RHBDF2: variants seen among roughly 807,000 people sequenced by gnomAD.
RHBDF2 encodes rhomboid 5 homolog 2, also known as inactive rhomboid protein 2.
A neutral mutation model predicts 95.2 loss-of-function variants in RHBDF2; 38 were observed. The ratio of observed to expected loss-of-function variants is 0.40; its 90% CI spans 0.31 to 0.52. RHBDF2 has a LOEUF of 0.52. RHBDF2 is among the 20% of genes least tolerant of loss of function. The probability of loss-of-function intolerance (pLI) is 0.56; values close to 1 mark genes in which losing one functional copy is unlikely to be tolerated. For missense variants in RHBDF2, 863 were observed against 1,137.7 expected, an observed-to-expected ratio of 0.76 and a Z score of 3.47; for synonymous variants, 442 against 462.0, an observed-to-expected ratio of 0.96 and a Z score of 0.55.
chr17:76,482,009 A>C (rs1290018290), intron 2 of RHBDF2: 1 of 151,004 alleles, frequency 6.6e-6, no homozygotes, highest in Non-Finnish European at 1.5e-5. Context: ...ACACAAAACC[A>C]AAAACAAACC....
At chr17:76,487,973 C>A (rs1376980625) in intron 1 of RHBDF2, 64 bp from the exon 2 acceptor site, 1 of 152,264 alleles carries the variant, frequency 6.6e-6, no homozygotes, top group Admixed American at 6.5e-5. Flanking sequence ...ACCTTCCTCA[C>A]CTCAGTCTCC....
chr17:76,473,102 G>A lies in RHBDF2; in HGVS notation c.1813C>T (p.His605Tyr). 2 of 1,613,452 alleles carry A rather than the reference G, an allele frequency of 1.2e-6. No homozygotes were observed. Among genetic ancestry groups the A allele is most frequent in the African/African-American group, 2.7e-5 (2 of 75,026 alleles). The change falls in exon 17 of 19, where the codon CAC becomes TAC. Residue 605 changes from histidine to tyrosine, a missense_variant. Physicochemically the swap from His to Tyr is moderately conservative, Grantham distance 83. Around this residue, in one of 2 missense-constraint regions of RHBDF2, gnomAD observed 252 missense variants for 412.2 expected, o/e 0.61. Transcript: ENST00000675367. ...HEEATLCSQV[H>Y]CLDKVCGLLP... ...AGCCCACACACCTTGTCCAAGCAGT[G>A]CACCTGGGAGTGGGCATATGGTGCT...
chr17:76,483,124 A>G (rs866547196), intron 2 of RHBDF2, among the ~76,000 whole-genome samples: 3 of 152,216 alleles, frequency 2.0e-5, no homozygotes, highest in Middle Eastern at 3.4e-3. Flanking sequence ...AGCCAATCTC[A>G]TTGCACCCTC....
At chr17:76,481,579 G>A (rs1009515708) in intron 2 of RHBDF2, 34 bp from the exon 3 acceptor site, 2 of 1,565,182 alleles carry the variant, frequency 1.3e-6, no homozygotes, top group African/African-American at 1.3e-5. Flanking sequence ...GCGGTGGGCG[G>A]TGCGGGGTGG....
In RHBDF2 at chr17:76,483,616, AG is replaced by A. The variant is rs2074036354; in HGVS notation, c.-21-2072del. 3.3e-5 allele frequency among the ~76,000 whole-genome samples: 5 copies of A among 152,272 alleles called. No individual in the cohort carries two copies. In the South Asian group the frequency reaches 1.0e-3, roughly 32 times the overall value. On this transcript the variant is annotated intron_variant, in intron 2 of 18. Coordinates refer to ENST00000675367, the MANE Select transcript of RHBDF2 (RefSeq NM_001005498.4). ...CTCTTGTCTTTTTTGATGAATGCAAAGATTTCATAAGTGGAATGCACCAAGA... is the reference window on the plus strand; with the variant it reads ...CTCTTGTCTTTTTTGATGAATGCAAAATTTCATAAGTGGAATGCACCAAGA...
rs867056325 is a variant in RHBDF2 at position 76,485,579 on chromosome 17, G to A, written c.-22+2133C>T. 2.0e-5 allele frequency among the ~76,000 whole-genome samples: 3 copies of A among 152,210 alleles called. No homozygotes were observed. In the South Asian group the frequency reaches 6.2e-4, roughly 32 times the overall value. On this transcript the variant is annotated intron_variant, in intron 2 of 18. Coordinates refer to ENST00000675367, the MANE Select transcript of RHBDF2 (RefSeq NM_001005498.4). ...CCAGGCCTCCAGCCTGGGCGACAGA[G>A]TGAGACTCCGTCTCAAACAACAACA... is the stretch of plus-strand genomic sequence containing the variant.
chr17:76,472,025 G>A lies in RHBDF2; in HGVS notation c.2092C>T (p.Leu698Phe). 1 of 1,571,446 alleles carries A rather than the reference G, an allele frequency of 6.4e-7. No individual in the cohort carries two copies. Among genetic ancestry groups the A allele is most frequent in the Non-Finnish European group, 8.6e-7 (1 of 1,158,334 alleles). ...EVGPAGSQFG[L>F]LACLFVELFQ... The stretch of plus-strand genomic sequence containing the variant: ...AGCTCCACGAAGAGGCAGGCGAGGA[G>A]GCCGAACTGTGAGCCGGCCGGGCCC... Residue 698 changes from leucine (L) to phenylalanine (F), a missense_variant, in exon 19 of 19, where the codon CTC becomes TTC. Transcript: ENST00000675367.
At position 76,474,472 on chromosome 17, in the gene RHBDF2, C is replaced by T. The variant is rs774238602; in HGVS notation, c.1365G>A (p.Glu455=). Residue 455 remains glutamate, a synonymous_variant, in exon 12 of 19, where the codon GAG becomes GAA. Coordinates refer to ENST00000675367, the MANE Select transcript of RHBDF2 (RefSeq NM_001005498.4). ...SPCIRKDGQI[E]QLVLRERDLE... is the part of the protein sequence containing the mutation. ...GGTCTCGCTCGCGCAGCACCAGCTG[C>T]TCGATCTGCCCGTCCTTCCGGATGC... The T allele has an allele frequency of 6.2e-7, 1 of 1,614,180 alleles. No individual in the cohort carries two copies. Among genetic ancestry groups the T allele is most frequent in the Non-Finnish European group, 8.5e-7 (1 of 1,180,032 alleles).
chr17:76,484,424 A>G (rs928465905), intron 2 of RHBDF2, among the ~76,000 whole-genome samples: 2 of 151,922 alleles, frequency 1.3e-5, no homozygotes, highest in Non-Finnish European at 2.9e-5. Context: ...GTGTGGGCTG[A>G]GGCGTGGCAT....
At chr17:76,493,965 T>C (rs965248850) in intron 1 of RHBDF2, among the ~76,000 whole-genome samples, 3 of 152,208 alleles carry the variant, frequency 2.0e-5, no homozygotes, top group Admixed American at 2.0e-4. Context: ...CTGACTTCTC[T>C]GGGCTTTTTC....
At chr17:76,481,994 CACACACACAA>C (rs553869286) in intron 2 of RHBDF2, 29,472 of 108,078 alleles carry the variant, frequency 0.27, 3,457 homozygotes, top group Middle Eastern at 0.39. Flanking sequence ...CACACACACA[CACACACACAA>C]AACCAAAAAC....
chr17:76,493,201 A>G (rs2144409839), intron 1 of RHBDF2: 1 of 152,158 alleles, frequency 6.6e-6, no homozygotes, highest in East Asian at 1.9e-4. Flanking sequence ...CTCCCTTGCC[A>G]CAGAAACTGA....
rs141461044 is a variant in RHBDF2 at position 76,473,753 on chromosome 17, G to C, written c.1639-11C>G. ...CTGCTCTGTGCAGATCTGCCAGGAG[G>C]GGGCACCGGCAGGGAAGTGGGCTGT... On this transcript the variant is annotated splice_polypyrimidine_tract_variant and intron_variant, in intron 14 of 18. Transcript: ENST00000675367. 6.3e-4 allele frequency: 1,013 copies of C among 1,611,896 alleles called. 5 individuals are homozygous for C. In the African/African-American group the frequency reaches 0.012, roughly 19 times the overall value.
At chr17:76,486,710 T>A (rs1432083809) in intron 2 of RHBDF2, among the ~76,000 whole-genome samples, 2 of 37,884 alleles carry the variant, frequency 5.3e-5, no homozygotes, top group Non-Finnish European at 1.6e-4. Context: ...TGAGACCCTG[T>A]CTCAAAATAT....
At chr17:76,479,575 T>C in intron 4 of RHBDF2, 158 bp downstream of exon 4, 1 of 724,458 alleles carries the variant, frequency 1.4e-6, no homozygotes, top group South Asian at 1.5e-5. Flanking sequence ...TTTCCCCATC[T>C]ATACCATGAT....
At position 76,476,891 on chromosome 17, in the gene RHBDF2, T is replaced by C; in HGVS notation, c.1054A>G (p.Ser352Gly). ...LGVVGNWLNR[S>G]YRRSISSTVQ... is the part of the protein sequence containing the mutation. The stretch of plus-strand genomic sequence containing the variant: ...GTGCTGCTGATGCTGCGGCGGTAGC[T>C]GCGGTTCAGCCAGTTGCCCACCACG... Residue 352 changes from serine (S) to glycine (G), a missense_variant, in exon 9 of 19, where the codon AGC (serine) becomes GGC (glycine). Ser to Gly is a moderately conservative substitution (Grantham distance 56). Around this residue, in one of 2 missense-constraint regions of RHBDF2, gnomAD observed 611 missense variants for 725.5 expected, o/e 0.84. Transcript: ENST00000675367. 6.2e-7 allele frequency: 1 copy of C among 1,612,924 alleles called. No homozygotes were observed. Among genetic ancestry groups the C allele is most frequent in the Non-Finnish European group, 8.5e-7 (1 of 1,179,744 alleles).
intron 1 of RHBDF2, among the ~76,000 whole-genome samples, chr17:76,494,426 T>C (rs560745352): frequency 2.0e-5 from 3 of 152,146 alleles, no homozygotes; most frequent in Non-Finnish European, 4.4e-5. Flanking sequence ...CCCACCACAG[T>C]GCCCTCCCCT....
chr17:76,486,335 C>A (rs1236140132), intron 2 of RHBDF2, among the ~76,000 whole-genome samples: 1 of 152,198 alleles, frequency 6.6e-6, no homozygotes, highest in Non-Finnish European at 1.5e-5. Context: ...GTCTCGAACT[C>A]CTTACCTCAA....
rs766334692 is a variant in RHBDF2 at position 76,479,023 on chromosome 17, G to C, written c.469-14C>G. 3.7e-6 allele frequency: 6 copies of C among 1,607,240 alleles called. No individual in the cohort carries two copies. The African/African-American group carries it at 8.0e-5, about 21-fold the overall frequency. On this transcript the variant is annotated splice_polypyrimidine_tract_variant and intron_variant, in intron 5 of 18. Transcript: ENST00000675367. ...CGGATCCACAATCTGGAAGGGAGGG[G>C]GGCGGTAAGCAGAGCCATTAGGGTC...
Sources: allele counts gnomAD v4.1 joint callset (sites outside exome capture counted in the v4.1 genomes callset), GRCh38; gene constraint gnomAD v4.1.1; regional missense constraint gnomAD v4.1.1; transcripts MANE v1.5; gene names NCBI Gene and HGNC (gene_info 2026-07-23, HGNC 2026-07-21).